DCTN4: variants seen among roughly 807,000 people sequenced by gnomAD.
The protein encoded by DCTN4 is dynactin subunit 4, also known as dynactin 4 (p62).
Under a neutral mutation model 62.7 loss-of-function variants are expected in DCTN4, and 23 were observed. The observed-to-expected ratio is 0.37, with a 90% CI of 0.26 to 0.52. The LOEUF (loss-of-function observed/expected upper bound fraction) is 0.52, where lower values mean the gene tolerates loss of function less well. Ranked by LOEUF, DCTN4 falls within the 20% of genes least tolerant of loss-of-function variation. The pLI is 0.92. For missense variants in DCTN4, 514 were observed against 580.4 expected (o/e 0.89, Z 1.18); for synonymous variants, 199 against 202.1 (o/e 0.98, Z 0.13).
At chr5:150,741,164 C>CAAAAA (rs754641920) in intron 4 of DCTN4, among the ~76,000 whole-genome samples, 5,040 of 58,040 alleles carry the variant, frequency 0.087, 221 homozygotes, top group East Asian at 0.28. Flanking sequence ...GATCCTGTCT[C>CAAAAA]AAAAAAAAAA....
chr5:150,745,635 A>T (rs1281709124), intron 3 of DCTN4, among the ~76,000 whole-genome samples: 1 of 152,146 alleles, frequency 6.6e-6, no homozygotes, highest in Non-Finnish European at 1.5e-5. Context: ...GGATTAAGAA[A>T]CTCACTCAAA....
chr5:150,739,254 T>C (rs1760688979), intron 4 of DCTN4, among the ~76,000 whole-genome samples: 1 of 151,544 alleles, frequency 6.6e-6, no homozygotes, highest in Non-Finnish European at 1.5e-5. Flanking sequence ...TCAGTAGCAC[T>C]GCTATACACC....
chr5:150,737,947 C>T (rs1436650769), intron 4 of DCTN4, among the ~76,000 whole-genome samples: 1 of 151,980 alleles, frequency 6.6e-6, no homozygotes, highest in African/African-American at 2.4e-5. Context: ...ACAACTGATA[C>T]CACAGAAACA....
rs1024565306 is a variant in DCTN4 at position 150,731,715 on chromosome 5, G to C, written c.538-226C>G. 4.5e-5 allele frequency: 31 copies of C among 686,384 alleles called. No individual in the cohort carries two copies. In the Admixed American group the frequency reaches 5.1e-4, roughly 11 times the overall value. The allele number at this position is 686,384 out of a possible 1,614,324, so 42.5% of individuals were successfully genotyped here. A position where few individuals can be genotyped will look rare whatever the true frequency, so the allele number is the denominator to read the frequency against. On this transcript the variant is annotated intron_variant, in intron 5 of 12. Coordinates refer to ENST00000447998, the MANE Select transcript of DCTN4 (RefSeq NM_016221.4). The stretch of plus-strand genomic sequence containing the variant: ...TGGAGATTGAAACTATATTAATACA[G>C]TAAAAATGAACCAAATGTGAGCTTC...
At chr5:150,733,646 G>T (rs192425218) in intron 4 of DCTN4, 171 bp from the exon 5 acceptor site, 3 of 476,904 alleles carry the variant, frequency 6.3e-6, no homozygotes, top group Non-Finnish European at 7.4e-6. Flanking sequence ...TCTGTTTTCC[G>T]AAGTGAAATG....
intron 8 of DCTN4, among the ~76,000 whole-genome samples, chr5:150,728,617 T>C (rs368335535): frequency 6.6e-6 from 1 of 152,218 alleles, no homozygotes; most frequent in Non-Finnish European, 1.5e-5. Flanking sequence ...TCTTTGTAAA[T>C]TGAATCTTTT....
intron 3 of DCTN4, among the ~76,000 whole-genome samples, chr5:150,749,038 T>C (rs1053167953): frequency 6.6e-6 from 1 of 151,648 alleles, no homozygotes; most frequent in African/African-American, 2.4e-5. Flanking sequence ...TTAGTGACAC[T>C]GGGTTAGGCT....
At chr5:150,741,423 C>T (rs1760765845) in intron 4 of DCTN4, among the ~76,000 whole-genome samples, 1 of 152,186 alleles carries the variant, frequency 6.6e-6, no homozygotes, top group South Asian at 2.1e-4. Flanking sequence ...AATCCTCCTG[C>T]CTTAGCTTCC....
intron 1 of DCTN4, chr5:150,758,287 T>TA (rs1752936366): frequency 1.1e-5 from 11 of 985,540 alleles, no homozygotes; most frequent in Middle Eastern, 5.2e-4. Flanking sequence ...GCTCCATAAA[T>TA]ACACTTTCAG....
At position 150,730,835 on chromosome 5, in the gene DCTN4, C is replaced by T. The variant is rs573313424; in HGVS notation, c.725-95G>A. ...ATTACACGAAGCATTACTGCCTTTA[C>T]GAACAGTGTTGTTCATAAAAATGAA... On this transcript the variant is annotated intron_variant, in intron 7 of 12. Coordinates refer to ENST00000447998, the MANE Select transcript of DCTN4 (RefSeq NM_016221.4). 8.1e-5 allele frequency: 84 copies of T among 1,041,088 alleles called. No individual in the cohort carries two copies. The Middle Eastern group carries it at 1.1e-3, about 14-fold the overall frequency. 64.5% of individuals were successfully genotyped at this position (1,041,088 alleles called of 1,614,324 possible). A position where few individuals can be genotyped will look rare whatever the true frequency, so the allele number is the denominator to read the frequency against.
In DCTN4 at chr5:150,725,315, G is replaced by A. The variant is rs572831845; in HGVS notation, c.835-2335C>T. Among the ~76,000 whole-genome samples, 227 of 151,810 alleles carry A rather than the reference G, an allele frequency of 1.5e-3. 2 individuals are homozygous for A. The highest frequency in any genetic ancestry group is 5.1e-3 in the African/African-American group (213 of 41,452). ...TAAAAGTGAAGTTGATGAGACAAAA[G>A]GTAACTTTACTTTTGGTAGGTATTA... On this transcript the variant is annotated intron_variant, in intron 8 of 12. Transcript: ENST00000447998.
chr5:150,720,931 C>G lies in DCTN4; in HGVS notation c.909-1161G>C, dbSNP rs542136600. 1.2e-4 allele frequency among the ~76,000 whole-genome samples: 18 copies of G among 152,226 alleles called. No homozygotes were observed. In the South Asian group the frequency reaches 3.7e-3, roughly 32 times the overall value. On this transcript the variant is annotated intron_variant, in intron 9 of 12. Coordinates refer to ENST00000447998, the MANE Select transcript of DCTN4 (RefSeq NM_016221.4). Reference sequence around the variant, plus strand: ...ATAATTCTTAAGAAAGGAGTTCATCCCAGACTTCACAAGTGCCATTTCTGT... The same window carrying G: ...ATAATTCTTAAGAAAGGAGTTCATCGCAGACTTCACAAGTGCCATTTCTGT...
At position 150,715,682 on chromosome 5, in the gene DCTN4, G is replaced by C. The variant is rs764390389; in HGVS notation, c.1072-20C>G. On this transcript the variant is annotated intron_variant, in intron 11 of 12. Transcript: ENST00000447998. Reference sequence around the variant, plus strand: ...CACCACCTGGAGAGCAACACAGAGAGGCCTGCCTGAGAAGGGACCAGTGTG... The same window carrying C: ...CACCACCTGGAGAGCAACACAGAGACGCCTGCCTGAGAAGGGACCAGTGTG... 8.7e-6 allele frequency: 14 copies of C among 1,606,150 alleles called. No individual in the cohort carries two copies. The highest frequency in any genetic ancestry group is 1.1e-5 in the Non-Finnish European group (13 of 1,173,034).
At chr5:150,757,011 T>C (rs2113163835) in intron 1 of DCTN4, among the ~76,000 whole-genome samples, 1 of 152,326 alleles carries the variant, frequency 6.6e-6, no homozygotes, top group South Asian at 2.1e-4. Flanking sequence ...TTAAACAAAT[T>C]AATGGGACAG....
chr5:150,726,483 A>C (rs1203252699), intron 8 of DCTN4, among the ~76,000 whole-genome samples: 2 of 152,130 alleles, frequency 1.3e-5, no homozygotes, highest in East Asian at 3.8e-4. Context: ...AGTACAATTC[A>C]CTTAGTGGTT....
At chr5:150,735,974 AAAT>A (rs978908892) in intron 4 of DCTN4, among the ~76,000 whole-genome samples, 1 of 151,948 alleles carries the variant, frequency 6.6e-6, no homozygotes, top group Admixed American at 6.5e-5. Context: ...AAGACAGCAT[AAAT>A]AATAAACAAT....
At chr5:150,747,757 A>T (rs1752511015) in intron 3 of DCTN4, among the ~76,000 whole-genome samples, 2 of 149,766 alleles carry the variant, frequency 1.3e-5, no homozygotes, top group Non-Finnish European at 3.0e-5. Flanking sequence ...CTGAAACTGG[A>T]TCCCTTCCTT....
rs1016852766 is a variant in DCTN4 at position 150,710,867 on chromosome 5, C to T, written c.*282G>A. On this transcript the variant is annotated 3_prime_UTR_variant, in exon 13 of 13. Coordinates refer to ENST00000447998, the MANE Select transcript of DCTN4 (RefSeq NM_016221.4). ...AATACAATGCCATTCCAAGGAACAC[C>T]CATCCCCTTTCCTAGGATGGAATTA... 7.6e-5 allele frequency: 33 copies of T among 431,804 alleles called. No individual in the cohort carries two copies. Among genetic ancestry groups the T allele is most frequent in the African/African-American group, 6.6e-4 (33 of 50,328 alleles). The allele number at this position is 431,804 out of a possible 1,614,324, so 26.7% of individuals were successfully genotyped here.
At chr5:150,755,240 A>C (rs1752815165) in intron 2 of DCTN4, among the ~76,000 whole-genome samples, 1 of 152,260 alleles carries the variant, frequency 6.6e-6, no homozygotes, top group Non-Finnish European at 1.5e-5. Flanking sequence ...TTTAAAAAAC[A>C]AATAAACAAG....
Sources: allele counts gnomAD v4.1 joint callset (sites outside exome capture counted in the v4.1 genomes callset), GRCh38; gene constraint gnomAD v4.1.1; transcripts MANE v1.5; gene names NCBI Gene and HGNC (gene_info 2026-07-23, HGNC 2026-07-21).